The following MGRN1 variants were observed in gnomAD, a reference collection of about 807,000 sequenced individuals.
MGRN1 encodes the protein E3 ubiquitin-protein ligase MGRN1.
A neutral mutation model predicts 69.2 loss-of-function variants in MGRN1; 29 were observed. The ratio of observed to expected loss-of-function variants is 0.42; its 90% CI spans 0.31 to 0.57. The LOEUF is 0.57. MGRN1 is among the 20% of genes least tolerant of loss of function. The pLI, the probability that MGRN1 is intolerant of heterozygous loss-of-function variation, is 0.15. For synonymous variants in MGRN1, 470 were observed against 344.2 expected (o/e 1.37, Z -4.04); for missense variants, 998 against 796.2 (o/e 1.25, Z -3.05).
chr16:4,689,035 C>A lies in MGRN1; in HGVS notation c.*127C>A. On this transcript the variant is annotated 3_prime_UTR_variant, in exon 17 of 17. Coordinates refer to ENST00000262370, the MANE Select transcript of MGRN1 (RefSeq NM_015246.4). ...CTGTGGCCACCAGGCTCCGAGGGGC[C>A]GTGGTGACTCTTGATCAAAGAGCAC... 1 of 1,282,376 alleles carries A rather than the reference C, an allele frequency of 7.8e-7. No individual in the cohort carries two copies. The highest frequency in any genetic ancestry group is 1.0e-6 in the Non-Finnish European group (1 of 961,458). The allele number at this position is 1,282,376 out of a possible 1,614,324, so 79.4% of individuals were successfully genotyped here.
In MGRN1 at chr16:4,690,079, C is replaced by T. The variant is rs1567255270; in HGVS notation, c.*1171C>T. 6.6e-6 allele frequency: 1 copy of T among 152,410 alleles called. No individual in the cohort carries two copies. Among genetic ancestry groups the T allele is most frequent in the Non-Finnish European group, 1.5e-5 (1 of 68,186 alleles). The allele number at this position is 152,410 out of a possible 1,614,324, so 9.4% of individuals were successfully genotyped here. ...GCGCCCGGCCCCCTTGCAGTTCTCT[C>T]TGATTTGGTTTGTTCTGTCTCAGGC... On this transcript the variant is annotated 3_prime_UTR_variant, in exon 17 of 17. Transcript: ENST00000262370.
chr16:4,632,646 G>A (rs1434708617), intron 1 of MGRN1, among the ~76,000 whole-genome samples: 7 of 151,890 alleles, frequency 4.6e-5, no homozygotes, highest in East Asian at 1.9e-4. Flanking sequence ...CGCCCGTCTC[G>A]GCCTCCCAAA....
intron 1 of MGRN1, among the ~76,000 whole-genome samples, chr16:4,627,546 G>A (rs1310730772): frequency 6.6e-6 from 1 of 152,216 alleles, no homozygotes. Context: ...CCATCACTTT[G>A]GGAGGCCAAG....
At chr16:4,637,583 T>C (rs991222903) in intron 1 of MGRN1, among the ~76,000 whole-genome samples, 1 of 152,220 alleles carries the variant, frequency 6.6e-6, no homozygotes, top group Admixed American at 6.5e-5. Flanking sequence ...ATGGAGTGTA[T>C]TGAAGGCTCC....
Position 4,689,036 on chromosome 16 carries a change from G to T in MGRN1, c.*128G>T. The T allele has an allele frequency of 1.6e-6, 2 of 1,273,712 alleles. No individual in the cohort carries two copies. The highest frequency in any genetic ancestry group is 2.1e-6 in the Non-Finnish European group (2 of 953,276). 78.9% of individuals were successfully genotyped at this position (1,273,712 alleles called of 1,614,324 possible). A position where few individuals can be genotyped will look rare whatever the true frequency, so the allele number is the denominator to read the frequency against. On this transcript the variant is annotated 3_prime_UTR_variant, in exon 17 of 17. Coordinates refer to ENST00000262370, the MANE Select transcript of MGRN1 (RefSeq NM_015246.4). ...TGTGGCCACCAGGCTCCGAGGGGCC[G>T]TGGTGACTCTTGATCAAAGAGCACA...
At chr16:4,661,363 C>G (rs1051988752) in intron 5 of MGRN1, among the ~76,000 whole-genome samples, 1 of 152,248 alleles carries the variant, frequency 6.6e-6, no homozygotes, top group Admixed American at 6.5e-5. Context: ...CTTTCGCACC[C>G]TTTTCTCCTG....
rs535858364 is a variant in MGRN1 at position 4,660,376 on chromosome 16, G to C, written c.561+3013G>C. Among the ~76,000 whole-genome samples the C allele has an allele frequency of 6.6e-5, 10 of 152,348 alleles. No homozygotes were observed. In the South Asian group the frequency reaches 2.1e-3, roughly 32 times the overall value. Reference sequence around the variant, plus strand: ...CCACTGTAAACCCGTCTGCCAGCCGGGGAGTGGGAGAGAAGGCTATAGCCA... The same window carrying C: ...CCACTGTAAACCCGTCTGCCAGCCGCGGAGTGGGAGAGAAGGCTATAGCCA... On this transcript the variant is annotated intron_variant, in intron 5 of 16. Coordinates refer to ENST00000262370, the MANE Select transcript of MGRN1 (RefSeq NM_015246.4).
chr16:4,668,181 G>C, intron 7 of MGRN1, 84 bp from the exon 8 acceptor site: 1 of 1,164,426 alleles, frequency 8.6e-7, no homozygotes, highest in Non-Finnish European at 1.2e-6. Flanking sequence ...GGCTGGGGCA[G>C]GGTGGCCAAC....
At chr16:4,668,707 C>G (rs898759369) in intron 8 of MGRN1, among the ~76,000 whole-genome samples, 3 of 150,348 alleles carry the variant, frequency 2.0e-5, no homozygotes, top group South Asian at 2.1e-4. Flanking sequence ...CACACATACA[C>G]TCACACTCAC....
chr16:4,685,873 A>G (rs1243769638), intron 16 of MGRN1, among the ~76,000 whole-genome samples: 1 of 152,170 alleles, frequency 6.6e-6, no homozygotes, highest in Non-Finnish European at 1.5e-5. Flanking sequence ...GGGAGGGCCC[A>G]TGAGATGGTG....
intron 5 of MGRN1, among the ~76,000 whole-genome samples, chr16:4,663,391 T>TTTTTTTTTTTTTTA (rs150893432): frequency 8.1e-6 from 1 of 123,176 alleles, no homozygotes; most frequent in Non-Finnish European, 1.8e-5. Context: ...TTTTTTTTTT[T>TTTTTTTTTTTTTTA]ACACCTTTAT....
At chr16:4,688,604 C>G (rs544320112) in intron 16 of MGRN1, 192 bp from the exon 17 acceptor site, 1 of 1,356,702 alleles carries the variant, frequency 7.4e-7, no homozygotes, top group Non-Finnish European at 9.5e-7. Context: ...AGGGACACAG[C>G]GTATTTGGCA....
At chr16:4,647,511 C>G (rs149781000) in intron 1 of MGRN1, among the ~76,000 whole-genome samples, 37 of 152,346 alleles carry the variant, frequency 2.4e-4, no homozygotes, top group African/African-American at 7.5e-4. Context: ...CTCCACCCCT[C>G]GTCTGCTCTG....
chr16:4,629,901 C>T (rs905610869), intron 1 of MGRN1, among the ~76,000 whole-genome samples: 6 of 151,334 alleles, frequency 4.0e-5, no homozygotes, highest in Non-Finnish European at 8.8e-5. Context: ...CAAAAATGAG[C>T]TGGACGCAAT....
intron 11 of MGRN1, among the ~76,000 whole-genome samples, chr16:4,678,326 CAG>C (rs1221689046): frequency 2.0e-5 from 3 of 152,000 alleles, no homozygotes; most frequent in African/African-American, 7.3e-5. Flanking sequence ...CAAAGACAGA[CAG>C]AGACATGGAG....
intron 13 of MGRN1, 141 bp from the exon 14 acceptor site, chr16:4,682,682 A>G: frequency 9.9e-7 from 1 of 1,009,518 alleles, no homozygotes; most frequent in Non-Finnish European, 1.3e-6. Context: ...GTGGCTGGTG[A>G]TGCCCTTCTC....
chr16:4,658,708 A>G (rs2078609154), intron 5 of MGRN1: 1 of 151,354 alleles, frequency 6.6e-6, no homozygotes, highest in African/African-American at 2.4e-5. Context: ...TTGTCCTTGC[A>G]TTAAAAATAA....
chr16:4,684,099 C>T (rs941950242), intron 16 of MGRN1, among the ~76,000 whole-genome samples, 167 bp downstream of exon 16: 1 of 152,234 alleles, frequency 6.6e-6, no homozygotes, highest in Non-Finnish European at 1.5e-5. Flanking sequence ...AAGCAGGATG[C>T]GGGCCAGGGC....
chr16:4,678,414 G>A (rs2079101741), intron 11 of MGRN1, among the ~76,000 whole-genome samples: 1 of 152,238 alleles, frequency 6.6e-6, no homozygotes, highest in South Asian at 2.1e-4. Context: ...GACAAATGTG[G>A]AGAGACACAG....
Sources: allele counts gnomAD v4.1 joint callset (sites outside exome capture counted in the v4.1 genomes callset), GRCh38; gene constraint gnomAD v4.1.1; transcripts MANE v1.5; gene names NCBI Gene and HGNC (gene_info 2026-07-23, HGNC 2026-07-21).